ZNG1A: variants seen among roughly 807,000 people sequenced by gnomAD.
The protein encoded by ZNG1A is zinc-regulated GTPase metalloprotein activator 1A.
At chr9:153,970 T>G in the ZNG1A span, 1 of 152,116 alleles carries the variant, frequency 6.6e-6, no homozygotes, top group Non-Finnish European at 1.5e-5. Flanking sequence ...ACAAAATAAT[T>G]CAAAACAAAG....
the ZNG1A span, among the ~76,000 whole-genome samples, chr9:155,997 G>A: frequency 1.3e-5 from 2 of 150,728 alleles, no homozygotes; most frequent in African/African-American, 4.9e-5. Context: ...AAAATTAGCT[G>A]GGCATGGTGG....
chr9:139,333 T>C, the ZNG1A span, among the ~76,000 whole-genome samples: 1,338 of 142,142 alleles, frequency 9.4e-3, 9 homozygotes, highest in Middle Eastern at 0.029. Context: ...ATAGAAAGAG[T>C]GTAGAATGGT....
At chr9:169,243 C>T in the ZNG1A span, among the ~76,000 whole-genome samples, 1 of 151,446 alleles carries the variant, frequency 6.6e-6, no homozygotes, top group East Asian at 1.9e-4. Flanking sequence ...GGATTCCAGA[C>T]TTCAATGGAG....
At chr9:174,464 T>A in the ZNG1A span, among the ~76,000 whole-genome samples, 2 of 151,916 alleles carry the variant, frequency 1.3e-5, no homozygotes, top group Non-Finnish European at 2.9e-5. Flanking sequence ...TGAAGAAAAG[T>A]ATTGAGAATG....
the ZNG1A span, chr9:149,121 G>C: frequency 6.6e-6 from 1 of 150,678 alleles, no homozygotes; most frequent in Non-Finnish European, 1.5e-5. Context: ...TTCCAAACCT[G>C]CTTCCACCAC....
chr9:138,711 C>T, the ZNG1A span, among the ~76,000 whole-genome samples: 10 of 139,540 alleles, frequency 7.2e-5, no homozygotes, highest in Non-Finnish European at 1.2e-4. Flanking sequence ...CCAGCCTAGG[C>T]AACATAGCAA....
At chr9:140,444 C>A in the ZNG1A span, among the ~76,000 whole-genome samples, 1 of 150,938 alleles carries the variant, frequency 6.6e-6, no homozygotes, top group Non-Finnish European at 1.5e-5. Context: ...AGACCTGCAG[C>A]TGAAGGTCGT....
chr9:129,945 C>T, the ZNG1A span, among the ~76,000 whole-genome samples: 2 of 150,420 alleles, frequency 1.3e-5, no homozygotes, highest in Admixed American at 1.3e-4. Context: ...ACCTACTACA[C>T]ACCTAAGCTA....
chr9:177,750 C>T, the ZNG1A span: 14 of 1,536,246 alleles, frequency 9.1e-6, 1 homozygote, highest in South Asian at 1.5e-4. Context: ...AAGGCCCGAG[C>T]GGCACGTTTG....
At chr9:125,355 C>CT in the ZNG1A span, among the ~76,000 whole-genome samples, 1 of 148,052 alleles carries the variant, frequency 6.8e-6, no homozygotes, top group East Asian at 2.0e-4. Flanking sequence ...TGTATATCTT[C>CT]TTTTAAGAAT....
the ZNG1A span, among the ~76,000 whole-genome samples, chr9:178,380 G>C: frequency 0.026 from 3,913 of 151,528 alleles, 151 homozygotes; most frequent in African/African-American, 0.091. Context: ...ATCTACTGAC[G>C]AAAGCCCCAC....
chr9:145,937 C>G, the ZNG1A span, among the ~76,000 whole-genome samples: 30,556 of 143,490 alleles, frequency 0.21, 2,146 homozygotes, highest in Middle Eastern at 0.29. Context: ...TTCCAAACAA[C>G]CAATTAGTAA....
the ZNG1A span, among the ~76,000 whole-genome samples, chr9:176,742 T>G: frequency 6.6e-6 from 1 of 151,686 alleles, no homozygotes; most frequent in East Asian, 1.9e-4. Context: ...GCCCTGAACA[T>G]GAGTGTTTCA....
the ZNG1A span, among the ~76,000 whole-genome samples, chr9:155,432 T>A: frequency 1.8e-4 from 28 of 151,988 alleles, no homozygotes; most frequent in African/African-American, 6.5e-4. Flanking sequence ...TAAAAAAAAA[T>A]AAGCTATACT....
the ZNG1A span, among the ~76,000 whole-genome samples, chr9:126,552 A>G: frequency 2.0e-5 from 3 of 151,930 alleles, no homozygotes; most frequent in Non-Finnish European, 2.9e-5. Flanking sequence ...CAGTTGTAAT[A>G]TCTCCCGTTT....
the ZNG1A span, chr9:156,419 A>C: frequency 6.5e-7 from 1 of 1,531,744 alleles, no homozygotes; most frequent in South Asian, 1.2e-5. Flanking sequence ...TTTGGTTTTC[A>C]TCTTAGTGAT....
At chr9:126,686 T>TG in the ZNG1A span, among the ~76,000 whole-genome samples, 1 of 152,078 alleles carries the variant, frequency 6.6e-6, no homozygotes, top group Non-Finnish European at 1.5e-5. Context: ...TGGATTTTTT[T>TG]TGTTGTTTTG....
At chr9:156,170 T>TATATATATAC in the ZNG1A span, among the ~76,000 whole-genome samples, 1 of 135,462 alleles carries the variant, frequency 7.4e-6, no homozygotes, top group Non-Finnish European at 1.6e-5. Flanking sequence ...TATATATATA[T>TATATATATAC]AAAATCTTCA....
chr9:157,648 G>C, the ZNG1A span, among the ~76,000 whole-genome samples: 4 of 150,418 alleles, frequency 2.7e-5, no homozygotes, highest in Non-Finnish European at 5.9e-5. Context: ...CAATCACAGG[G>C]ACTTTTTTTT....
Sources: gnomAD v4.1 joint callset for allele counts (sites outside exome capture counted in the v4.1 genomes callset) on GRCh38, gnomAD v4.1.1 for gene constraint, MANE v1.5 for transcripts, NCBI Gene and HGNC (gene_info 2026-07-23, HGNC 2026-07-21) for gene names.